GMDS: variants seen among roughly 807,000 people sequenced by gnomAD.
GMDS encodes GDP-mannose 4,6 dehydratase.
A neutral mutation model predicts 49.9 loss-of-function variants in GMDS; 20 were observed. The observed-to-expected ratio is 0.40, with a 90% CI of 0.28 to 0.58. The LOEUF (loss-of-function observed/expected upper bound fraction) is 0.58, where lower values mean the gene tolerates loss of function less well. Among genes scored for constraint, GMDS ranks in the 20% least tolerant of loss-of-function variants. The probability of loss-of-function intolerance (pLI) is 0.42; values close to 1 mark genes in which losing one functional copy is unlikely to be tolerated. For synonymous variants in GMDS, 177 were observed against 178.6 expected, an observed-to-expected ratio of 0.99 and a Z score of 0.07; for missense variants, 362 against 481.4, an observed-to-expected ratio of 0.75 and a Z score of 2.32.
intron 7 of GMDS, among the ~76,000 whole-genome samples, chr6:1,916,202 A>G (rs1761383680): frequency 6.6e-6 from 1 of 152,212 alleles, no homozygotes; most frequent in South Asian, 2.1e-4. Context: ...CTGTAGGGAA[A>G]GGAAGACCAG....
chr6:1,818,608 C>CAA lies in GMDS; in HGVS notation c.772-76024_772-76023dup, dbSNP rs564065617. Among the ~76,000 whole-genome samples, 16 of 49,220 alleles carry CAA rather than the reference C, an allele frequency of 3.3e-4. 1 individual carries two copies. Among genetic ancestry groups the CAA allele is most frequent in the Admixed American group, 6.4e-4 (3 of 4,724 alleles). 32.3% of individuals were successfully genotyped at this position (49,220 alleles called of 152,430 possible). ...GGGGGACAAGAGTGAGACTTCATCT[C>CAA]AAAAAAAAAAAAAAAAAAAGTGAGC... On this transcript the variant is annotated intron_variant, in intron 7 of 10. Coordinates refer to ENST00000380815, the MANE Select transcript of GMDS (RefSeq NM_001500.4).
intron 1 of GMDS, among the ~76,000 whole-genome samples, chr6:2,146,682 C>T (rs1163872829): frequency 6.6e-5 from 10 of 152,188 alleles, no homozygotes; most frequent in African/African-American, 2.2e-4. Context: ...TTTAACAACA[C>T]GCCCCTCTCA....
chr6:1,757,458 C>T (rs548900468), intron 7 of GMDS, among the ~76,000 whole-genome samples: 2 of 152,296 alleles, frequency 1.3e-5, no homozygotes, highest in South Asian at 4.2e-4. Flanking sequence ...TCTGGGCATG[C>T]AGGAGGAAGT....
At chr6:1,869,980 G>T (rs1452937000) in intron 7 of GMDS, among the ~76,000 whole-genome samples, 1 of 152,238 alleles carries the variant, frequency 6.6e-6, no homozygotes, top group African/African-American at 2.4e-5. Flanking sequence ...AGACGGCTCA[G>T]ACCACGACTG....
intron 4 of GMDS, among the ~76,000 whole-genome samples, chr6:2,097,098 GA>G (rs547068361): frequency 6.9e-4 from 104 of 149,694 alleles, no homozygotes; most frequent in African/African-American, 2.3e-3. Context: ...TATTTGAAAA[GA>G]AAAAAAAAGT....
In GMDS at chr6:2,115,830, T is replaced by C. The variant is rs776616307; in HGVS notation, c.286A>G (p.Ile96Val). ...DLTDSTCLVK[I>V]INEVKPTEIY... ...TCTGTGGGCTTTACTTCATTAATGA[T>C]CTTCACAAGGCAGGTACTGTCAGTG... Residue 96 changes from isoleucine to valine, a missense_variant, in exon 4 of 11, where the codon ATC becomes GTC. Transcript: ENST00000380815. 3 of 1,607,876 alleles carry C rather than the reference T, an allele frequency of 1.9e-6. No homozygotes were observed.
At chr6:1,787,493 G>GA (rs1402588223) in intron 7 of GMDS, among the ~76,000 whole-genome samples, 8 of 152,106 alleles carry the variant, frequency 5.3e-5, no homozygotes, top group African/African-American at 9.7e-5. Context: ...TACAGTAAGG[G>GA]AAAAAACAGA....
chr6:2,221,433 T>G (rs1184968987), intron 1 of GMDS, among the ~76,000 whole-genome samples: 4 of 152,064 alleles, frequency 2.6e-5, no homozygotes, highest in Non-Finnish European at 5.9e-5. Context: ...CAGGCTAGAG[T>G]GCGGTGGCGC....
chr6:2,086,510 T>C (rs772203642), intron 4 of GMDS, among the ~76,000 whole-genome samples: 5 of 152,224 alleles, frequency 3.3e-5, no homozygotes, highest in African/African-American at 9.6e-5. Flanking sequence ...CAGCCAACCA[T>C]GAGTAACCAG....
intron 7 of GMDS, among the ~76,000 whole-genome samples, chr6:1,762,295 G>T: frequency 6.6e-6 from 1 of 152,158 alleles, no homozygotes; most frequent in East Asian, 1.9e-4. Flanking sequence ...CCTGCCATTT[G>T]GTACTGCCAA....
At chr6:1,662,110 G>A (rs969373140) in intron 9 of GMDS, among the ~76,000 whole-genome samples, 2 of 152,160 alleles carry the variant, frequency 1.3e-5, no homozygotes, top group African/African-American at 4.8e-5. Flanking sequence ...GGGAAAGGAA[G>A]GAAGGGAGCC....
intron 4 of GMDS, among the ~76,000 whole-genome samples, chr6:2,038,806 G>C (rs924946669): frequency 1.3e-5 from 2 of 152,120 alleles, no homozygotes; most frequent in African/African-American, 4.8e-5. Context: ...GTGCACTCTG[G>C]ACATATAGTT....
At chr6:1,727,785 G>C (rs1387613572) in intron 8 of GMDS, among the ~76,000 whole-genome samples, 1 of 152,180 alleles carries the variant, frequency 6.6e-6, no homozygotes, top group Non-Finnish European at 1.5e-5. Context: ...GGAATAATCA[G>C]TTTGTTAGTG....
chr6:2,193,720 A>ATTTTTTTTTTTTTTTTTTTTTTTTTTT (rs35997013), intron 1 of GMDS, among the ~76,000 whole-genome samples: 1 of 111,792 alleles, frequency 8.9e-6, no homozygotes, highest in Admixed American at 9.4e-5. Flanking sequence ...TGAAAATGCT[A>ATTTTTTTTTTTTTTTTTTTTTTTTTTT]TTTTTTTTTT....
At chr6:1,813,436 G>C (rs760907997) in intron 7 of GMDS, among the ~76,000 whole-genome samples, 1 of 152,070 alleles carries the variant, frequency 6.6e-6, no homozygotes, top group Non-Finnish European at 1.5e-5. Flanking sequence ...CTACTCCTGA[G>C]CCATTCCTAT....
chr6:1,732,266 G>A (rs1223105555), intron 8 of GMDS, among the ~76,000 whole-genome samples: 1 of 152,202 alleles, frequency 6.6e-6, no homozygotes, highest in African/African-American at 2.4e-5. Context: ...GGCGGAGGTT[G>A]CAGTGAGCCC....
chr6:1,941,636 G>C (rs1279542903), intron 6 of GMDS, among the ~76,000 whole-genome samples: 2 of 152,174 alleles, frequency 1.3e-5, no homozygotes, highest in Non-Finnish European at 2.9e-5. Context: ...GTCAGTGAGA[G>C]AAAGGGGTGA....
intron 7 of GMDS, among the ~76,000 whole-genome samples, chr6:1,865,864 G>A (rs748374431): frequency 5.9e-5 from 9 of 152,032 alleles, no homozygotes; most frequent in Admixed American, 1.3e-4. Context: ...AAGAAAAGGC[G>A]GCTGAGGGCG....
intron 4 of GMDS, among the ~76,000 whole-genome samples, chr6:2,044,304 T>C (rs1034059453): frequency 3.3e-5 from 5 of 152,104 alleles, no homozygotes; most frequent in Admixed American, 2.6e-4. Flanking sequence ...AGACATGAAA[T>C]CAACCTAAAT....
Sources: allele counts gnomAD v4.1 joint callset (sites outside exome capture counted in the v4.1 genomes callset), GRCh38; gene constraint gnomAD v4.1.1; transcripts MANE v1.5; gene names NCBI Gene and HGNC (gene_info 2026-07-23, HGNC 2026-07-21).